ITIH5: variants seen among roughly 807,000 people sequenced by gnomAD.
ITIH5 encodes the protein inter-alpha-trypsin inhibitor heavy chain H5.
Under a neutral mutation model 77.5 loss-of-function variants are expected in ITIH5, and 65 were observed. The ratio of observed to expected loss-of-function variants is 0.84; its 90% CI spans 0.69 to 1.03. The LOEUF (loss-of-function observed/expected upper bound fraction) is 1.03, where lower values mean the gene tolerates loss of function less well. ITIH5 is among the 50% of genes least tolerant of loss of function. The probability of loss-of-function intolerance (pLI) is 0.00; values close to 1 mark genes in which losing one functional copy is unlikely to be tolerated. For synonymous variants in ITIH5, 525 were observed against 494.3 expected, an observed-to-expected ratio of 1.06 and a Z score of -0.82; for missense variants, 1,208 against 1,213.1, an observed-to-expected ratio of 1.00 and a Z score of 0.06.
intron 5 of ITIH5, among the ~76,000 whole-genome samples, chr10:7,628,670 T>C (rs75225781): frequency 0.14 from 18,342 of 135,288 alleles, 2,420 homozygotes; most frequent in Non-Finnish European, 0.21. Context: ...TTGTCACATG[T>C]GTCCATGTTG....
At position 7,585,897 on chromosome 10, in the gene ITIH5, T is replaced by C; in HGVS notation, c.1108+4A>G. The C allele has an allele frequency of 1.9e-6, 3 of 1,599,826 alleles. No homozygotes were observed. The highest frequency in any genetic ancestry group is 1.7e-6 in the Non-Finnish European group (2 of 1,174,472). On this transcript the variant is annotated splice_donor_region_variant and intron_variant, in intron 8 of 13. Transcript: ENST00000397146. ...CCAATGTGAAAAGAAGGTGTCATCTTTACCTCCAGTGGGTGACATATGGTG... is the reference window on the plus strand; with the variant it reads ...CCAATGTGAAAAGAAGGTGTCATCTCTACCTCCAGTGGGTGACATATGGTG...
intron 7 of ITIH5, among the ~76,000 whole-genome samples, chr10:7,590,009 C>A (rs1347940468): frequency 7.0e-6 from 1 of 142,928 alleles, no homozygotes; most frequent in Non-Finnish European, 1.5e-5. Context: ...ATCATCCATC[C>A]CCATGGTGCC....
At chr10:7,620,780 G>A (rs1017442564) in intron 5 of ITIH5, 8 of 151,964 alleles carry the variant, frequency 5.3e-5, no homozygotes, top group African/African-American at 1.9e-4. Flanking sequence ...GCAGAATTAG[G>A]ACCAGGGAGA....
Position 7,666,893 on chromosome 10 carries a change from G to A in ITIH5, c.-1C>T. 1 of 1,588,886 alleles carries A rather than the reference G, an allele frequency of 6.3e-7. No homozygotes were observed. The highest frequency in any genetic ancestry group is 8.5e-7 in the Non-Finnish European group (1 of 1,170,230). ...GGCACAGCCCCAGCAGCAGGAGCAT[G>A]GCGGGGCGAGGGCGCGGGACGCTCG... On this transcript the variant is annotated 5_prime_UTR_variant, in exon 1 of 14. Coordinates refer to ENST00000397146, the MANE Select transcript of ITIH5 (RefSeq NM_030569.7).
intron 2 of ITIH5, among the ~76,000 whole-genome samples, chr10:7,648,804 C>T (rs1314252324): frequency 6.6e-6 from 1 of 152,146 alleles, no homozygotes; most frequent in Non-Finnish European, 1.5e-5. Context: ...AAGTTTATCA[C>T]ATTATCTTCT....
chr10:7,566,106 C>A lies in ITIH5; in HGVS notation c.2451G>T (p.Ala817=), dbSNP rs565659625. 1 of 1,613,920 alleles carries A rather than the reference C, an allele frequency of 6.2e-7. No individual in the cohort carries two copies. Among genetic ancestry groups the A allele is most frequent in the East Asian group, 2.2e-5 (1 of 44,898 alleles). ...VILIHLYKKP[A]PFQRHHLGFY... ...AACCCAGGTGGTGTCGCTGGAAGGG[C>A]GCCGGCTTTTTGTAGAGGTGGATGA... Residue 817 remains alanine, a synonymous_variant, in exon 13 of 14, where the codon GCG becomes GCT. Transcript: ENST00000397146.
chr10:7,575,230 T>C (rs1216865689), intron 10 of ITIH5, among the ~76,000 whole-genome samples: 1 of 152,212 alleles, frequency 6.6e-6, no homozygotes, highest in African/African-American at 2.4e-5. Context: ...ACAACAGCCC[T>C]GCAGGGAAAT....
chr10:7,644,120 C>A (rs970220623), intron 2 of ITIH5, among the ~76,000 whole-genome samples: 1 of 152,008 alleles, frequency 6.6e-6, no homozygotes, highest in Non-Finnish European at 1.5e-5. Flanking sequence ...TGACTGTAGT[C>A]CTGGCTACTC....
chr10:7,584,462 C>A (rs1232427108), intron 8 of ITIH5, among the ~76,000 whole-genome samples: 1 of 152,048 alleles, frequency 6.6e-6, no homozygotes, highest in South Asian at 2.1e-4. Flanking sequence ...CGCCACCACA[C>A]CCGGCTAACT....
At chr10:7,608,424 T>C (rs1432195477) in intron 7 of ITIH5, among the ~76,000 whole-genome samples, 1 of 151,830 alleles carries the variant, frequency 6.6e-6, no homozygotes, top group African/African-American at 2.4e-5. Flanking sequence ...GGACTACAGA[T>C]GTGGGCCATC....
chr10:7,581,039 C>T (rs904746543), intron 8 of ITIH5, among the ~76,000 whole-genome samples: 4 of 152,126 alleles, frequency 2.6e-5, no homozygotes, highest in Non-Finnish European at 4.4e-5. Flanking sequence ...GTGGGTGGAT[C>T]ACCTGAGGTC....
At position 7,617,102 on chromosome 10, in the gene ITIH5, G is replaced by A. The variant is rs746363422; in HGVS notation, c.822+11C>T. On this transcript the variant is annotated intron_variant, in intron 6 of 13. Transcript: ENST00000397146. ...CCAACCAACATGAAATAGCAACGACGATCCTATTACCTGGATGTCCCCAAT... is the reference window on the plus strand; with the variant it reads ...CCAACCAACATGAAATAGCAACGACAATCCTATTACCTGGATGTCCCCAAT... The A allele has an allele frequency of 2.1e-5, 32 of 1,507,694 alleles. No homozygotes were observed. The highest frequency in any genetic ancestry group is 7.5e-5 in the East Asian group (3 of 39,936). The allele number at this position is 1,507,694 out of a possible 1,614,324, so 93.4% of individuals were successfully genotyped here.
rs1255059329 is a variant in ITIH5, at chr10:7,641,642, AAGGAAGG to A, written c.299+278_299+284del. On this transcript the variant is annotated intron_variant, in intron 3 of 13. Transcript: ENST00000397146. ...GACGAGGAGGGAAGGAAAGAAAAGGAAGGAAGGAAGGGAGGGAGGGAGGGAGGGAGGC... is the reference window on the plus strand; with the variant it reads ...GACGAGGAGGGAAGGAAAGAAAAGGAAAGGGAGGGAGGGAGGGAGGGAGGC... 1.1e-4 allele frequency among the ~76,000 whole-genome samples: 8 copies of A among 74,614 alleles called. No individual in the cohort carries two copies. In the East Asian group the frequency reaches 4.2e-3, roughly 39 times the overall value. The allele number at this position is 74,614 out of a possible 152,430, so 48.9% of individuals were successfully genotyped here. A position where few individuals can be genotyped will look rare whatever the true frequency, so the allele number is the denominator to read the frequency against.
intron 5 of ITIH5, among the ~76,000 whole-genome samples, chr10:7,624,585 A>AG (rs903569953): frequency 6.6e-6 from 1 of 151,454 alleles, no homozygotes; most frequent in Admixed American, 6.6e-5. Flanking sequence ...TGGGAGGCCA[A>AG]GGGGGGCAGA....
chr10:7,623,164 G>A (rs983001453), intron 5 of ITIH5, among the ~76,000 whole-genome samples: 1 of 152,210 alleles, frequency 6.6e-6, no homozygotes, highest in African/African-American at 2.4e-5. Flanking sequence ...GGGTTGATAG[G>A]GAGAGGGATT....
intron 1 of ITIH5, among the ~76,000 whole-genome samples, chr10:7,664,789 A>C (rs1834336026): frequency 1.3e-5 from 2 of 152,240 alleles, no homozygotes; most frequent in African/African-American, 2.4e-5. Context: ...GTTTACATAC[A>C]ATTTTAAAGA....
chr10:7,644,512 T>TATATATCAGATATATATG (rs1564277391), intron 2 of ITIH5, among the ~76,000 whole-genome samples: 1 of 48,894 alleles, frequency 2.0e-5, no homozygotes, highest in African/African-American at 1.0e-4. Flanking sequence ...ATATATATGA[T>TATATATCAGATATATATG]ATATATCACA....
Position 7,569,705 on chromosome 10 carries a change from C to A in ITIH5, c.2112G>T (p.Gly704=). 3 of 1,612,542 alleles carry A rather than the reference C, an allele frequency of 1.9e-6. No homozygotes were observed. The highest frequency in any genetic ancestry group is 2.5e-6 in the Non-Finnish European group (3 of 1,179,438). ...GATCAGAGACCAGCCTGAGGATGTC[C>A]CCGGGCTGCCCATCAATGTTGAAGC... ...TVCFNIDGQP[G]DILRLVSDHR... is the part of the protein sequence containing the mutation. Residue 704 remains glycine (G), a synonymous_variant, in exon 12 of 14, where the codon GGG becomes GGT. Coordinates refer to ENST00000397146, the MANE Select transcript of ITIH5 (RefSeq NM_030569.7).
intron 5 of ITIH5, among the ~76,000 whole-genome samples, chr10:7,628,239 C>T (rs1357979627): frequency 6.6e-6 from 1 of 152,202 alleles, no homozygotes; most frequent in African/African-American, 2.4e-5. Flanking sequence ...ATCTTCATCA[C>T]CCCAAGGAAA....
Sources: allele counts gnomAD v4.1 joint callset (sites outside exome capture counted in the v4.1 genomes callset), GRCh38; gene constraint gnomAD v4.1.1; transcripts MANE v1.5; gene names NCBI Gene and HGNC (gene_info 2026-07-23, HGNC 2026-07-21).